SPTLC1: variants seen among roughly 807,000 people sequenced by gnomAD.
SPTLC1 encodes serine palmitoyltransferase 1.
A neutral mutation model predicts 68.9 loss-of-function variants in SPTLC1; 55 were observed. That is an observed-to-expected ratio of 0.80 (90% CI 0.64 to 1.00). The LOEUF is 1.00. SPTLC1 is among the 50% of genes least tolerant of loss of function. SPTLC1 has a pLI of 0.00. For synonymous variants in SPTLC1, 197 were observed against 201.6 expected (o/e 0.98, Z 0.19); for missense variants, 449 against 573.1 (o/e 0.78, Z 2.21).
intron 9 of SPTLC1, among the ~76,000 whole-genome samples, chr9:92,049,208 G>A (rs186109071): frequency 7.3e-4 from 111 of 152,236 alleles, no homozygotes; most frequent in African/African-American, 2.6e-3. Context: ...ATAATGTAAG[G>A]CAATTTTACG....
chr9:92,111,224 G>A (rs556113124), intron 2 of SPTLC1: 5 of 152,000 alleles, frequency 3.3e-5, no homozygotes, highest in East Asian at 3.9e-4. Flanking sequence ...CATTCTTTTC[G>A]AAGCTACACT....
At chr9:92,056,968 GA>G (rs1387820847) in intron 7 of SPTLC1, among the ~76,000 whole-genome samples, 1 of 152,270 alleles carries the variant, frequency 6.6e-6, no homozygotes, top group African/African-American at 2.4e-5. Context: ...TGTCTTTAAG[GA>G]AAAACATTTT....
chr9:92,103,544 G>C (rs1466532048), intron 3 of SPTLC1, among the ~76,000 whole-genome samples: 1 of 152,250 alleles, frequency 6.6e-6, no homozygotes, highest in Non-Finnish European at 1.5e-5. Flanking sequence ...ATGACCTGAG[G>C]AATGGTCTCA....
intron 3 of SPTLC1, among the ~76,000 whole-genome samples, chr9:92,099,480 CTT>C (rs201801428): frequency 0.26 from 37,319 of 141,662 alleles, 5,689 homozygotes; most frequent in African/African-American, 0.42. Context: ...TTTTACTGTA[CTT>C]TTTTTTTTTT....
At chr9:92,093,306 C>T (rs1347910657) in intron 3 of SPTLC1, among the ~76,000 whole-genome samples, 2 of 152,148 alleles carry the variant, frequency 1.3e-5, no homozygotes, top group African/African-American at 4.8e-5. Flanking sequence ...ATTGATAAGA[C>T]TATAATACCT....
intron 3 of SPTLC1, among the ~76,000 whole-genome samples, chr9:92,082,617 A>G (rs924487032): frequency 6.6e-6 from 1 of 151,450 alleles, no homozygotes; most frequent in Admixed American, 6.6e-5. Flanking sequence ...TATGTGCCAC[A>G]TTTTCTTAAT....
chr9:92,079,762 G>A (rs937160618), intron 5 of SPTLC1: 55 of 657,736 alleles, frequency 8.4e-5, no homozygotes, highest in Non-Finnish European at 1.5e-4. Context: ...CTCTGCACTC[G>A]TTCCTCACGC....
chr9:92,096,347 T>C (rs1046500348), intron 3 of SPTLC1, among the ~76,000 whole-genome samples: 1 of 152,204 alleles, frequency 6.6e-6, no homozygotes, highest in Non-Finnish European at 1.5e-5. Flanking sequence ...GATATGTTAA[T>C]TTGATTGTGG....
intron 12 of SPTLC1, among the ~76,000 whole-genome samples, chr9:92,043,804 C>T (rs1482012446): frequency 6.6e-6 from 1 of 152,178 alleles, no homozygotes; most frequent in Non-Finnish European, 1.5e-5. Flanking sequence ...AGTAATTTTG[C>T]TAGGGTATCA....
At chr9:92,109,514 T>C (rs1836144732) in intron 2 of SPTLC1, 3 of 152,372 alleles carry the variant, frequency 2.0e-5, no homozygotes, top group African/African-American at 7.2e-5. Context: ...ACAATCCTCT[T>C]AGGAGTCTAT....
chr9:92,059,262 G>C lies in SPTLC1; in HGVS notation c.607C>G (p.Arg203Gly). The C allele has an allele frequency of 6.2e-7, 1 of 1,613,876 alleles. No homozygotes were observed. The highest frequency in any genetic ancestry group is 8.5e-7 in the Non-Finnish European group (1 of 1,179,928). The part of the protein sequence containing the change: ...FAIQKGLQAS[R>G]SDIKLFKHND... ...TGCTTAAATAACTTAATGTCACTAC[G>C]GGATGCCTGTAATCCTTTCTGAATA... Residue 203 changes from arginine to glycine, a missense_variant, in exon 7 of 15, where the codon CGT (arginine) becomes GGT (glycine). By Grantham distance (125) the Arg-to-Gly change is moderately radical. Transcript: ENST00000262554.
At chr9:92,072,134 C>T (rs996306265) in intron 5 of SPTLC1, among the ~76,000 whole-genome samples, 1 of 152,116 alleles carries the variant, frequency 6.6e-6, no homozygotes, top group African/African-American at 2.4e-5. Context: ...GCATAACATT[C>T]GGTGCCGAAA....
At chr9:92,079,977 G>A in intron 5 of SPTLC1, 39 bp downstream of exon 5, 7 of 1,541,082 alleles carry the variant, frequency 4.5e-6, no homozygotes, top group Non-Finnish European at 6.3e-6. Context: ...CTTAACTATT[G>A]AAAGCAGTAG....
intron 3 of SPTLC1, among the ~76,000 whole-genome samples, chr9:92,102,204 GAAAT>G (rs1382826576): frequency 1.3e-4 from 20 of 152,146 alleles, no homozygotes; most frequent in African/African-American, 4.8e-4. Flanking sequence ...AGAAATTAAA[GAAAT>G]AAAGTCTTTC....
chr9:92,074,939 AC>A (rs1313904160), intron 5 of SPTLC1, among the ~76,000 whole-genome samples: 1 of 151,946 alleles, frequency 6.6e-6, no homozygotes, highest in Non-Finnish European at 1.5e-5. Flanking sequence ...TGACCCTGAC[AC>A]CCACCAGTCC....
At chr9:92,062,471 A>C (rs1368360731) in intron 6 of SPTLC1, among the ~76,000 whole-genome samples, 3 of 152,194 alleles carry the variant, frequency 2.0e-5, no homozygotes, top group Admixed American at 2.0e-4. Context: ...ACCAAGACAG[A>C]AGAACCCAAA....
chr9:92,106,885 CCAT>C (rs1564119370), intron 3 of SPTLC1, among the ~76,000 whole-genome samples: 1 of 152,074 alleles, frequency 6.6e-6, no homozygotes, highest in African/African-American at 2.4e-5. Context: ...CCTCCTACAC[CCAT>C]ATGTGTGCAT....
At chr9:92,056,627 G>A (rs1833900990) in intron 7 of SPTLC1, among the ~76,000 whole-genome samples, 1 of 152,108 alleles carries the variant, frequency 6.6e-6, no homozygotes, top group African/African-American at 2.4e-5. Context: ...AGGTGTGTGG[G>A]ACTGCAAAAA....
intron 13 of SPTLC1, among the ~76,000 whole-genome samples, chr9:92,038,030 A>G (rs1833205406): frequency 6.6e-6 from 1 of 152,200 alleles, no homozygotes; most frequent in Non-Finnish European, 1.5e-5. Flanking sequence ...CCACACATTG[A>G]CCCAATGGGA....
Sources: allele counts gnomAD v4.1 joint callset (sites outside exome capture counted in the v4.1 genomes callset), GRCh38; gene constraint gnomAD v4.1.1; transcripts MANE v1.5; gene names NCBI Gene and HGNC (gene_info 2026-07-23, HGNC 2026-07-21).